The following DOCK2 variants were observed in gnomAD, a reference collection of about 807,000 sequenced individuals.
The protein encoded by DOCK2 is dedicator of cytokinesis 2, also known as dedicator of cytokinesis protein 2.
DOCK2 carries 87 observed loss-of-function variants against 248.9 expected under a neutral mutation model. That is an observed-to-expected ratio of 0.35 (90% CI 0.29 to 0.42). The LOEUF is 0.42. Ranked by LOEUF, DOCK2 falls within the 10% of genes least tolerant of loss-of-function variation. DOCK2 has a pLI of 1.00. For missense variants in DOCK2, 1,747 were observed against 2,300.2 expected (o/e 0.76, Z 4.92); for synonymous variants, 805 against 821.6 (o/e 0.98, Z 0.35).
At chr5:169,939,474 G>A (rs1429853073) in intron 27 of DOCK2, among the ~76,000 whole-genome samples, 2 of 152,154 alleles carry the variant, frequency 1.3e-5, no homozygotes, top group African/African-American at 4.8e-5. Context: ...TCTAGACTGT[G>A]ATAAAAAATA....
chr5:170,019,615 C>G (rs1755652869), intron 33 of DOCK2, among the ~76,000 whole-genome samples: 1 of 152,156 alleles, frequency 6.6e-6, no homozygotes, highest in South Asian at 2.1e-4. Flanking sequence ...AGGACACTGG[C>G]CTCAGCATGG....
intron 1 of DOCK2, among the ~76,000 whole-genome samples, chr5:169,639,441 A>C (rs78677546): frequency 1.3e-5 from 2 of 152,330 alleles, no homozygotes; most frequent in East Asian, 3.9e-4. Context: ...TGGCCTAACC[A>C]AGCTGCAAGT....
chr5:169,746,927 G>A (rs550454375), intron 22 of DOCK2, among the ~76,000 whole-genome samples: 4 of 152,230 alleles, frequency 2.6e-5, no homozygotes, highest in African/African-American at 7.2e-5. Flanking sequence ...ATGAAGGAAG[G>A]GAAAGCAATG....
At chr5:170,076,139 A>G in intron 47 of DOCK2, 55 bp downstream of exon 47, 1 of 1,587,732 alleles carries the variant, frequency 6.3e-7, no homozygotes, top group Non-Finnish European at 8.6e-7. Context: ...TGGGGCAGGG[A>G]AGCATGCTGG....
At chr5:170,007,007 G>T (rs565504371) in intron 30 of DOCK2, among the ~76,000 whole-genome samples, 1 of 152,330 alleles carries the variant, frequency 6.6e-6, no homozygotes, top group African/African-American at 2.4e-5. Flanking sequence ...ATGAAAGGAA[G>T]ATGTATGAGA....
chr5:169,828,297 A>G (rs951492486), intron 26 of DOCK2, among the ~76,000 whole-genome samples: 1 of 152,188 alleles, frequency 6.6e-6, no homozygotes, highest in South Asian at 2.1e-4. Flanking sequence ...CTTTGCTAGT[A>G]GTTTTTCTAA....
chr5:170,045,766 T>A, intron 38 of DOCK2, 50 bp from the exon 39 acceptor site: 1 of 1,587,288 alleles, frequency 6.3e-7, no homozygotes, highest in Non-Finnish European at 8.7e-7. Flanking sequence ...GCAAGCGCTC[T>A]GCAAACCCGG....
In DOCK2 at chr5:170,047,603, T is replaced by A. The variant is rs550928168; in HGVS notation, c.4060T>A (p.Ser1354Thr). 6 of 1,613,960 alleles carry A rather than the reference T, an allele frequency of 3.7e-6. No individual in the cohort carries two copies. The highest frequency in any genetic ancestry group is 1.3e-5 in the African/African-American group (1 of 75,030). Residue 1354 changes from serine (S) to threonine (T), a missense_variant, in exon 40 of 52, where the codon TCC becomes ACC. Around this residue, in one of 4 missense-constraint regions of DOCK2, gnomAD observed 858 missense variants for 1,183.5 expected, o/e 0.72. Transcript: ENST00000520908. ...TGGATACTACGGCCAGGGATTCCCC[T>A]CCTTCCTGCGGGTGAGTTTGGGGGT... is the stretch of plus-strand genomic sequence containing the variant. ...AVGYYGQGFP[S>T]FLRNKVFIYR...
chr5:169,772,579 C>T (rs1765150354), intron 25 of DOCK2, among the ~76,000 whole-genome samples: 1 of 152,170 alleles, frequency 6.6e-6, no homozygotes, highest in Non-Finnish European at 1.5e-5. Flanking sequence ...TGTCCCTTAA[C>T]CTCTGTAGAA....
At chr5:169,925,260 C>G (rs1276339188) in intron 27 of DOCK2, among the ~76,000 whole-genome samples, 1 of 152,164 alleles carries the variant, frequency 6.6e-6, no homozygotes, top group Admixed American at 6.5e-5. Flanking sequence ...AGAAGTCAAA[C>G]CTGCCTTGAG....
chr5:169,769,173 G>A (rs146818007), intron 25 of DOCK2, among the ~76,000 whole-genome samples: 58 of 152,196 alleles, frequency 3.8e-4, no homozygotes, highest in African/African-American at 1.3e-3. Flanking sequence ...TTCAATACAT[G>A]GTATCTTATG....
At chr5:169,915,406 A>G (rs1774819680) in intron 27 of DOCK2, among the ~76,000 whole-genome samples, 1 of 152,142 alleles carries the variant, frequency 6.6e-6, no homozygotes, top group Non-Finnish European at 1.5e-5. Context: ...CACTGCTCCC[A>G]TTTTGCTGGT....
chr5:169,868,994 C>T (rs888008618), intron 27 of DOCK2, among the ~76,000 whole-genome samples: 4 of 152,148 alleles, frequency 2.6e-5, no homozygotes, highest in South Asian at 2.1e-4. Context: ...TCTCTTCCCA[C>T]GGCTCAGTTG....
chr5:170,005,373 C>T (rs1465307707), intron 30 of DOCK2, among the ~76,000 whole-genome samples: 1 of 152,088 alleles, frequency 6.6e-6, no homozygotes, highest in Non-Finnish European at 1.5e-5. Flanking sequence ...CTGAGCATGG[C>T]ATTAGGGATA....
chr5:169,929,741 C>CAAAAA (rs1211612989), intron 27 of DOCK2, among the ~76,000 whole-genome samples: 2 of 62,952 alleles, frequency 3.2e-5, no homozygotes, highest in African/African-American at 1.1e-4. Flanking sequence ...GACCCTGTCT[C>CAAAAA]AAAAAAAAAA....
At chr5:169,856,819 C>G (rs1770923316) in intron 27 of DOCK2, among the ~76,000 whole-genome samples, 1 of 152,144 alleles carries the variant, frequency 6.6e-6, no homozygotes, top group Non-Finnish European at 1.5e-5. Context: ...TCAGCATAAC[C>G]AGGGTATCAT....
chr5:169,795,438 G>T (rs142231601), intron 25 of DOCK2, among the ~76,000 whole-genome samples: 2 of 152,278 alleles, frequency 1.3e-5, no homozygotes, highest in East Asian at 3.9e-4. Context: ...AGGGCTGCAG[G>T]TGATGATTCT....
intron 20 of DOCK2, 69 bp downstream of exon 20, chr5:169,716,371 G>A: frequency 6.6e-7 from 1 of 1,521,780 alleles, no homozygotes; most frequent in Non-Finnish European, 9.1e-7. Flanking sequence ...AAAATACTGA[G>A]AACTCATGGC....
chr5:169,819,416 G>A (rs1768279483), intron 26 of DOCK2, among the ~76,000 whole-genome samples: 1 of 152,182 alleles, frequency 6.6e-6, no homozygotes, highest in African/African-American at 2.4e-5. Flanking sequence ...AGCTGAGGAG[G>A]TTGAAGCTGG....
Sources: allele counts gnomAD v4.1 joint callset (sites outside exome capture counted in the v4.1 genomes callset), GRCh38; gene constraint gnomAD v4.1.1; regional missense constraint gnomAD v4.1.1; transcripts MANE v1.5; gene names NCBI Gene and HGNC (gene_info 2026-07-23, HGNC 2026-07-21).